The following BIRC6 variants were observed in gnomAD, a reference collection of about 807,000 sequenced individuals.
BIRC6 encodes dual E2 ubiquitin-conjugating enzyme/E3 ubiquitin-protein ligase BIRC6.
Under a neutral mutation model 503.3 loss-of-function variants are expected in BIRC6, and 98 were observed. That is an observed-to-expected ratio of 0.19 (90% CI 0.17 to 0.23). BIRC6 has a LOEUF of 0.23. Ranked by LOEUF, BIRC6 falls within the 10% of genes least tolerant of loss-of-function variation. BIRC6 has a pLI of 1.00. For missense variants in BIRC6, 5,360 were observed against 5,806.0 expected (o/e 0.92, Z 2.50); for synonymous variants, 2,240 against 2,078.7 (o/e 1.08, Z -2.11).
chr2:32,471,734 A>T (rs1261712456), intron 32 of BIRC6, among the ~76,000 whole-genome samples: 3 of 152,134 alleles, frequency 2.0e-5, no homozygotes, highest in Non-Finnish European at 4.4e-5. Flanking sequence ...TTTTTAAATA[A>T]AGGATTTGAG....
At position 32,611,108 on chromosome 2, in the gene BIRC6, C is replaced by CTTTTTTTTT. The variant is rs1245765148; in HGVS notation, c.14260-337_14260-329dup. The stretch of plus-strand genomic sequence containing the variant: ...AATATTGTAGAGTTGATTAAATTGC[C>CTTTTTTTTT]TTTTTTTTTTTGTTTGAGATGGAGG... On this transcript the variant is annotated intron_variant, in intron 72 of 73. Coordinates refer to ENST00000421745, the MANE Select transcript of BIRC6 (RefSeq NM_016252.4). 4.0e-5 allele frequency among the ~76,000 whole-genome samples: 5 copies of CTTTTTTTTT among 126,164 alleles called. No individual in the cohort carries two copies. In the Admixed American group the frequency reaches 4.2e-4, roughly 11 times the overall value. 82.8% of individuals were successfully genotyped at this position (126,164 alleles called of 152,430 possible).
At chr2:32,424,492 G>A (rs1180405099) in intron 10 of BIRC6, among the ~76,000 whole-genome samples, 1 of 151,372 alleles carries the variant, frequency 6.6e-6, no homozygotes, top group Non-Finnish European at 1.5e-5. Context: ...GAATTGTTGG[G>A]TCACATGGTA....
In BIRC6 at chr2:32,471,083, C is replaced by G; in HGVS notation, c.6551C>G (p.Thr2184Ser). ...TCCAGGTTGCTGGATTATGTGGCAA[C>G]TGTTGAAGATGAAGCAGCAGCTGCA... ...LVSRLLDYVA[T>S]VEDEAAAAKK... Residue 2184 changes from threonine (T) to serine (S), a missense_variant, in exon 32 of 74, where the codon ACT becomes AGT. Physicochemically the swap from Thr to Ser is moderately conservative, Grantham distance 58. This residue lies in a region of BIRC6 where 2,299 missense variants were observed against 2,267.2 expected (regional missense o/e 1.01). Coordinates refer to ENST00000421745, the MANE Select transcript of BIRC6 (RefSeq NM_016252.4). The G allele has an allele frequency of 6.3e-7, 1 of 1,582,386 alleles. No individual in the cohort carries two copies. The highest frequency in any genetic ancestry group is 2.3e-5 in the East Asian group (1 of 44,056).
intron 73 of BIRC6, among the ~76,000 whole-genome samples, chr2:32,616,499 G>A (rs2063247997): frequency 6.8e-6 from 1 of 147,094 alleles, no homozygotes; most frequent in African/African-American, 2.6e-5. Context: ...GGTGGAGTTT[G>A]CAGTGAGCCG....
rs529156201 is a variant in BIRC6, at chr2:32,568,376, C to T, written c.13145-6780C>T. 3.3e-5 allele frequency among the ~76,000 whole-genome samples: 5 copies of T among 149,338 alleles called. No individual in the cohort carries two copies. The South Asian group carries it at 1.1e-3, about 32-fold the overall frequency. On this transcript the variant is annotated intron_variant, in intron 65 of 73. Coordinates refer to ENST00000421745, the MANE Select transcript of BIRC6 (RefSeq NM_016252.4). Reference sequence around the variant, plus strand: ...GACATGGTGGCATGTGCCTGTAATCCCAGCTGCTCTGGAATGTGAGGCAGG... The same window carrying T: ...GACATGGTGGCATGTGCCTGTAATCTCAGCTGCTCTGGAATGTGAGGCAGG...
At chr2:32,382,342 C>T (rs887749895) in intron 3 of BIRC6, among the ~76,000 whole-genome samples, 15 of 152,158 alleles carry the variant, frequency 9.9e-5, no homozygotes, top group African/African-American at 2.7e-4. Flanking sequence ...AACTGGATCT[C>T]GGAATGCTAA....
intron 62 of BIRC6, 86 bp from the exon 63 acceptor site, chr2:32,545,557 T>C: frequency 1.8e-6 from 2 of 1,103,760 alleles, no homozygotes; most frequent in Non-Finnish European, 2.8e-6. Flanking sequence ...TATTACAGTG[T>C]CATTATTAAT....
intron 66 of BIRC6, among the ~76,000 whole-genome samples, chr2:32,588,133 C>G (rs1384751684): frequency 6.6e-6 from 1 of 152,104 alleles, no homozygotes; most frequent in African/African-American, 2.4e-5. Flanking sequence ...GCAGGTGGAT[C>G]ACATGAGGTC....
At chr2:32,439,441 G>A in intron 15 of BIRC6, 67 bp from the exon 16 acceptor site, 7 of 1,437,042 alleles carry the variant, frequency 4.9e-6, no homozygotes, top group Non-Finnish European at 4.8e-6. Context: ...CTTGTTCTAT[G>A]AAGATGAAAA....
Position 32,468,514 on chromosome 2 carries a change from C to T in BIRC6, c.5858C>T (p.Ala1953Val). 1 of 1,613,882 alleles carries T rather than the reference C, an allele frequency of 6.2e-7. No individual in the cohort carries two copies. Among genetic ancestry groups the T allele is most frequent in the Non-Finnish European group, 8.5e-7 (1 of 1,179,850 alleles). ...CCTCCTCTAAACAGTGCTAACAATGCACAGTACTTTTTACGAAAACCAGAT... is the reference window on the plus strand; with the variant it reads ...CCTCCTCTAAACAGTGCTAACAATGTACAGTACTTTTTACGAAAACCAGAT... ...DLPPLNSANN[A>V]QYFLRKPDKA... is the part of the protein sequence containing the mutation. The change falls in exon 29 of 74, where the codon GCA (alanine) becomes GTA (valine). Residue 1953 changes from alanine (A) to valine (V), a missense_variant. By Grantham distance (64) the Ala-to-Val change is moderately conservative. This residue lies in a region of BIRC6 where 2,299 missense variants were observed against 2,267.2 expected (regional missense o/e 1.01). Transcript: ENST00000421745.
Position 32,529,728 on chromosome 2 carries a change from C to T in BIRC6, c.11998C>T (p.Arg4000Cys), listed in dbSNP as rs201614214. Residue 4000 changes from arginine to cysteine, a missense_variant, in exon 60 of 74, where the codon CGC becomes TGC. Arg to Cys is a radical substitution (Grantham distance 180, BLOSUM62 -3). This residue lies in a region of BIRC6 where 878 missense variants were observed against 928.9 expected (regional missense o/e 0.95). Coordinates refer to ENST00000421745, the MANE Select transcript of BIRC6 (RefSeq NM_016252.4). ...LYDRKLPQGY[R>C]SIDLTVKLGS... The stretch of plus-strand genomic sequence containing the variant: ...TGACCGAAAACTTCCTCAGGGTTAC[C>T]GCTCAATAGATCTGACTGTTAAATT... 178 of 1,613,406 alleles carry T rather than the reference C, an allele frequency of 1.1e-4. 1 individual carries two copies. In the East Asian group the frequency reaches 1.4e-3, roughly 13 times the overall value.
At position 32,429,236 on chromosome 2, in the gene BIRC6, T is replaced by C. The variant is rs1346442633; in HGVS notation, c.2963T>C (p.Ile988Thr). ...GTGGATGGATCTCTTTCTAAAGGAA[T>C]AGAACCATCTTCAGAAGGTTCCAAA... ...ILVDGSLSKG[I>T]EPSSEGSKPL... Residue 988 changes from isoleucine (I) to threonine (T), a missense_variant, in exon 11 of 74, where the codon ATA (isoleucine) becomes ACA (threonine). Ile to Thr is a moderately conservative substitution (Grantham distance 89, BLOSUM62 -1). Around this residue, in one of 16 missense-constraint regions of BIRC6, gnomAD observed 700 missense variants for 739.3 expected, o/e 0.95. Coordinates refer to ENST00000421745, the MANE Select transcript of BIRC6 (RefSeq NM_016252.4). 3 of 1,559,390 alleles carry C rather than the reference T, an allele frequency of 1.9e-6. No homozygotes were observed. Among genetic ancestry groups the C allele is most frequent in the African/African-American group, 2.7e-5 (2 of 73,730 alleles).
At chr2:32,525,756 T>C in intron 59 of BIRC6, 128 bp downstream of exon 59, 1 of 853,692 alleles carries the variant, frequency 1.2e-6, no homozygotes, top group Non-Finnish European at 1.8e-6. Context: ...TAGTGAGACT[T>C]CTTCCATACA....
At position 32,464,837 on chromosome 2, in the gene BIRC6, T is replaced by G; in HGVS notation, c.5256+14T>G. ...AAGTCCAGAATGGTAAATTATGTTT[T>G]AAATAGGTGTTGGCTTAGACATTTA... is the stretch of plus-strand genomic sequence containing the variant. On this transcript the variant is annotated intron_variant, in intron 25 of 73. Transcript: ENST00000421745. The G allele has an allele frequency of 8.2e-6, 13 of 1,589,094 alleles. No homozygotes were observed. Among genetic ancestry groups the G allele is most frequent in the Non-Finnish European group, 9.4e-6 (11 of 1,166,684 alleles).
intron 3 of BIRC6, among the ~76,000 whole-genome samples, chr2:32,388,397 A>G (rs994839911): frequency 1.3e-5 from 2 of 151,488 alleles, no homozygotes; most frequent in African/African-American, 4.8e-5. Context: ...AAAAAAAAAA[A>G]GAAATATACA....
Position 32,357,181 on chromosome 2 carries a change from C to A in BIRC6, c.20C>A (p.Ala7Asp). 1 of 1,533,362 alleles carries A rather than the reference C, an allele frequency of 6.5e-7. No individual in the cohort carries two copies. Among genetic ancestry groups the A allele is most frequent in the Non-Finnish European group, 8.7e-7 (1 of 1,148,608 alleles). 95.0% of individuals were successfully genotyped at this position (1,533,362 alleles called of 1,614,324 possible). A position where few individuals can be genotyped will look rare whatever the true frequency, so the allele number is the denominator to read the frequency against. The change falls in exon 1 of 74, where the codon GCT (alanine) becomes GAT (aspartate). Residue 7 changes from alanine to aspartate, a missense_variant. Physicochemically the swap from Ala to Asp is moderately radical, Grantham distance 126. Coordinates refer to ENST00000421745, the MANE Select transcript of BIRC6 (RefSeq NM_016252.4). The surrounding 1 kb of genome is among the most constrained non-coding windows in gnomAD (Gnocchi z 4.9). MVTGGG[A>D]APPGTVTEPL... is the part of the protein sequence containing the mutation. ...CCCCGGATGGTGACTGGTGGTGGTG[C>A]TGCACCTCCCGGGACTGTCACTGAG...
chr2:32,552,623 T>C (rs1044156874), intron 65 of BIRC6, among the ~76,000 whole-genome samples: 12 of 152,196 alleles, frequency 7.9e-5, no homozygotes, highest in Non-Finnish European at 1.5e-4. Flanking sequence ...ACACCGATCC[T>C]ATTCTCCAGA....
At chr2:32,616,369 C>G (rs536564149) in intron 73 of BIRC6, among the ~76,000 whole-genome samples, 1 of 151,702 alleles carries the variant, frequency 6.6e-6, no homozygotes, top group Admixed American at 6.6e-5. Flanking sequence ...ACCAGCCTGG[C>G]CAAGAAGGCA....
Position 32,453,953 on chromosome 2 carries a change from T to A in BIRC6, c.4753+11T>A. The A allele has an allele frequency of 6.2e-7, 1 of 1,605,480 alleles. No individual in the cohort carries two copies. Among genetic ancestry groups the A allele is most frequent in the Non-Finnish European group, 8.5e-7 (1 of 1,173,030 alleles). ...AAAGGGATGATGCAAGTACGTTTACTGGTATATACCTTCTTTTATTATATA... is the reference window on the plus strand; with the variant it reads ...AAAGGGATGATGCAAGTACGTTTACAGGTATATACCTTCTTTTATTATATA... On this transcript the variant is annotated intron_variant, in intron 23 of 73. Coordinates refer to ENST00000421745, the MANE Select transcript of BIRC6 (RefSeq NM_016252.4).
Sources: gnomAD v4.1 joint callset for allele counts (sites outside exome capture counted in the v4.1 genomes callset) on GRCh38, gnomAD v4.1.1 for gene constraint, gnomAD v4.1.1 regional missense constraint, Gnocchi (gnomAD v3.1) non-coding constraint, MANE v1.5 for transcripts, NCBI Gene and HGNC (gene_info 2026-07-23, HGNC 2026-07-21) for gene names.